PTPRT: variants seen among roughly 807,000 people sequenced by gnomAD.
PTPRT encodes protein tyrosine phosphatase receptor type T.
In PTPRT, 56 loss-of-function variants were observed where a neutral mutation model predicts 176.8. That is an observed-to-expected ratio of 0.32 (90% CI 0.26 to 0.40). PTPRT has a LOEUF of 0.40. Among genes scored for constraint, PTPRT ranks in the 10% least tolerant of loss-of-function variants. The probability of loss-of-function intolerance (pLI) is 1.00; values close to 1 mark genes in which losing one functional copy is unlikely to be tolerated. For synonymous variants in PTPRT, 783 were observed against 739.0 expected (o/e 1.06, Z -0.96); for missense variants, 1,540 against 1,908.2 (o/e 0.81, Z 3.60).
intron 7 of PTPRT, among the ~76,000 whole-genome samples, chr20:42,594,248 C>A (rs930320199): frequency 6.6e-6 from 1 of 152,104 alleles, no homozygotes; most frequent in African/African-American, 2.4e-5. Flanking sequence ...TGCCTCCATG[C>A]AAATCTCATT....
intron 1 of PTPRT, among the ~76,000 whole-genome samples, chr20:43,056,047 G>A (rs1165856079): frequency 6.6e-6 from 1 of 152,130 alleles, no homozygotes; most frequent in Non-Finnish European, 1.5e-5. Context: ...TTACCTAAAA[G>A]AAAACTGAAG....
At chr20:42,377,862 T>G (rs1341493683) in intron 9 of PTPRT, among the ~76,000 whole-genome samples, 3 of 152,164 alleles carry the variant, frequency 2.0e-5, no homozygotes, top group African/African-American at 7.2e-5. Flanking sequence ...AGTGCTGTGA[T>G]TCACAAAAAT....
At position 42,079,815 on chromosome 20, in the gene PTPRT, T is replaced by C. The variant is rs918756593; in HGVS notation, c.*1064A>G. On this transcript the variant is annotated 3_prime_UTR_variant, in exon 31 of 31. Coordinates refer to ENST00000373187, the MANE Select transcript of PTPRT (RefSeq NM_007050.6). ...GACCATCTTCAGGCTCACCCATCTC[T>C]CCTTGCTCAGTGGCATGCTGTCCCA... The C allele has an allele frequency of 1.3e-5, 3 of 230,332 alleles. No homozygotes were observed. The highest frequency in any genetic ancestry group is 6.1e-5 in the East Asian group (1 of 16,284). 14.3% of individuals were successfully genotyped at this position (230,332 alleles called of 1,614,324 possible). A position where few individuals can be genotyped will look rare whatever the true frequency, so the allele number is the denominator to read the frequency against.
At position 42,790,760 on chromosome 20, in the gene PTPRT, C is replaced by A. The variant is rs146567586; in HGVS notation, c.486+435G>T. On this transcript the variant is annotated intron_variant, in intron 3 of 30. Coordinates refer to ENST00000373187, the MANE Select transcript of PTPRT (RefSeq NM_007050.6). Reference sequence around the variant, plus strand: ...TCATCTTAGATGTCATCTCCTCTTACAAACCATCCTAATTGCCTTCCCCAG... The same window carrying A: ...TCATCTTAGATGTCATCTCCTCTTAAAAACCATCCTAATTGCCTTCCCCAG... Among the ~76,000 whole-genome samples the A allele has an allele frequency of 1.5e-3, 224 of 152,284 alleles. 1 individual carries two copies. The highest frequency in any genetic ancestry group is 5.2e-3 in the African/African-American group (216 of 41,560).
intron 7 of PTPRT, among the ~76,000 whole-genome samples, chr20:42,479,778 T>A (rs566465661): frequency 6.6e-6 from 1 of 152,362 alleles, no homozygotes; most frequent in South Asian, 2.1e-4. Context: ...ATAACAGGGA[T>A]GTTCGACTGG....
At chr20:42,412,937 T>C (rs1184363612) in intron 9 of PTPRT, among the ~76,000 whole-genome samples, 1 of 152,202 alleles carries the variant, frequency 6.6e-6, no homozygotes, top group East Asian at 1.9e-4. Flanking sequence ...TTTGGGATTA[T>C]GAAAATATTT....
chr20:42,948,060 T>A (rs1980999966), intron 1 of PTPRT, among the ~76,000 whole-genome samples: 1 of 152,174 alleles, frequency 6.6e-6, no homozygotes, highest in Admixed American at 6.5e-5. Context: ...CTGACCACTC[T>A]CTCCCTCTTC....
intron 1 of PTPRT, among the ~76,000 whole-genome samples, chr20:42,927,624 A>G (rs1979571852): frequency 6.6e-6 from 1 of 152,100 alleles, no homozygotes; most frequent in Non-Finnish European, 1.5e-5. Flanking sequence ...GAAGGAAAAA[A>G]GGAAAGGGAG....
intron 2 of PTPRT, among the ~76,000 whole-genome samples, chr20:42,794,191 T>C (rs1225957660): frequency 6.6e-6 from 1 of 152,212 alleles, no homozygotes; most frequent in East Asian, 1.9e-4. Context: ...AGCTAGACTA[T>C]GTCTTCCAGC....
At chr20:43,006,168 C>T (rs1021647930) in intron 1 of PTPRT, among the ~76,000 whole-genome samples, 1 of 152,142 alleles carries the variant, frequency 6.6e-6, no homozygotes, top group Non-Finnish European at 1.5e-5. Context: ...AAAGTTTTGA[C>T]ATTGAGCAAG....
chr20:42,455,832 G>A (rs991810740), intron 8 of PTPRT, among the ~76,000 whole-genome samples: 5 of 152,080 alleles, frequency 3.3e-5, no homozygotes, highest in African/African-American at 1.2e-4. Flanking sequence ...AATTAACAAT[G>A]AGGTGTAAGT....
chr20:42,204,183 C>A (rs1045527241), intron 15 of PTPRT, among the ~76,000 whole-genome samples: 1 of 152,028 alleles, frequency 6.6e-6, no homozygotes, highest in Admixed American at 6.6e-5. Context: ...ATATTTTGGG[C>A]GGTAACTTAG....
intron 17 of PTPRT, among the ~76,000 whole-genome samples, chr20:42,145,034 G>A (rs1988798902): frequency 6.6e-6 from 1 of 152,162 alleles, no homozygotes; most frequent in Non-Finnish European, 1.5e-5. Flanking sequence ...TAGAGTTGGA[G>A]TTGGAATGCT....
chr20:42,313,105 G>A (rs189544875), intron 12 of PTPRT, among the ~76,000 whole-genome samples: 41 of 152,262 alleles, frequency 2.7e-4, no homozygotes, highest in African/African-American at 9.6e-4. Flanking sequence ...AGATGGCCAT[G>A]AGAGTGACCT....
chr20:42,185,353 T>C lies in PTPRT; in HGVS notation c.2491+13887A>G, dbSNP rs572737867. ...CTATCTGAATCTCTGCCTATATTTG[T>C]ATGTGGTCTGAAGATCACCAGCTGA... On this transcript the variant is annotated intron_variant, in intron 16 of 30. Coordinates refer to ENST00000373187, the MANE Select transcript of PTPRT (RefSeq NM_007050.6). Among the ~76,000 whole-genome samples, 4 of 152,326 alleles carry C rather than the reference T, an allele frequency of 2.6e-5. No individual in the cohort carries two copies. The South Asian group carries it at 8.3e-4, about 32-fold the overall frequency.
chr20:42,718,160 C>G (rs1336184863), intron 6 of PTPRT, among the ~76,000 whole-genome samples: 1 of 152,178 alleles, frequency 6.6e-6, no homozygotes, highest in Non-Finnish European at 1.5e-5. Context: ...TTCATTATGT[C>G]TAAATAATAG....
chr20:42,470,890 T>C (rs2145282837), intron 8 of PTPRT, among the ~76,000 whole-genome samples: 1 of 150,574 alleles, frequency 6.6e-6, no homozygotes, highest in Admixed American at 6.6e-5. Flanking sequence ...GAAGATAAAC[T>C]GCAGGAAGCA....
intron 22 of PTPRT, among the ~76,000 whole-genome samples, chr20:42,114,125 T>C (rs934219195): frequency 6.6e-6 from 1 of 152,218 alleles, no homozygotes; most frequent in Non-Finnish European, 1.5e-5. Context: ...GGCCACATTG[T>C]CTATTAAAGT....
intron 16 of PTPRT, among the ~76,000 whole-genome samples, chr20:42,179,604 C>T (rs1459830443): frequency 1.3e-5 from 2 of 152,118 alleles, no homozygotes; most frequent in Non-Finnish European, 2.9e-5. Flanking sequence ...AATGGCCTAA[C>T]TAATAAATTT....
Sources: allele counts gnomAD v4.1 joint callset (sites outside exome capture counted in the v4.1 genomes callset), GRCh38; gene constraint gnomAD v4.1.1; transcripts MANE v1.5; gene names NCBI Gene and HGNC (gene_info 2026-07-23, HGNC 2026-07-21).